The following OLAH variants were observed in gnomAD, a reference collection of about 807,000 sequenced individuals.
OLAH encodes S-acyl fatty acid synthase thioesterase, medium chain.
In OLAH, 33 loss-of-function variants were observed where a neutral mutation model predicts 27.8. That is an observed-to-expected ratio of 1.19 (90% CI 0.90 to 1.59). OLAH has a LOEUF of 1.59. OLAH is among the 40% of genes most tolerant of loss of function. OLAH has a pLI of 0.00. For synonymous variants in OLAH, 120 were observed against 102.9 expected, an observed-to-expected ratio of 1.17 and a Z score of -1.01; for missense variants, 359 against 310.8, an observed-to-expected ratio of 1.16 and a Z score of -1.17.
At chr10:15,055,578 G>C (rs191078649) in intron 3 of OLAH, among the ~76,000 whole-genome samples, 43 of 152,192 alleles carry the variant, frequency 2.8e-4, no homozygotes, top group African/African-American at 9.4e-4. Flanking sequence ...AATTCCTAAA[G>C]GTCTTTTTAG....
At chr10:15,068,005 T>TC (rs1285557021) in intron 6 of OLAH, 1 of 152,236 alleles carries the variant, frequency 6.6e-6, no homozygotes, top group Non-Finnish European at 1.5e-5. Context: ...TCATCCCAAA[T>TC]CTCTTGCAAG....
At chr10:15,064,009 T>C (rs1182196692) in intron 4 of OLAH, among the ~76,000 whole-genome samples, 2 of 152,218 alleles carry the variant, frequency 1.3e-5, no homozygotes, top group African/African-American at 4.8e-5. Context: ...AACATTTTAG[T>C]ATTTATCCTG....
At chr10:15,056,145 G>T (rs552462388) in intron 3 of OLAH, among the ~76,000 whole-genome samples, 1 of 152,050 alleles carries the variant, frequency 6.6e-6, no homozygotes, top group Non-Finnish European at 1.5e-5. Flanking sequence ...TCTGAAACTT[G>T]CTTTTCCCAC....
Position 15,035,892 on chromosome 10 carries a change from C to T in OLAH, c.-164+3542C>T, listed in dbSNP as rs1375761477. Among the ~76,000 whole-genome samples the T allele has an allele frequency of 2.0e-5, 3 of 152,188 alleles. No homozygotes were observed. The East Asian group carries it at 5.8e-4, about 29-fold the overall frequency. ...CCTGACACTCTCCACTGTCTCCTTT[C>T]ATTGCTCATGTTCTCATTGAATCTC... On this transcript the variant is annotated intron_variant, in intron 1 of 3. Transcript: ENST00000413672.
chr10:15,071,546 G>A, intron 6 of OLAH: 1 of 985,430 alleles, frequency 1.0e-6, no homozygotes, highest in Non-Finnish European at 1.2e-6. Context: ...GAGTTGAACT[G>A]TGTGCCCCAG....
chr10:15,042,849 CTTTTTTT>C (rs67828197), upstream of OLAH, among the ~76,000 whole-genome samples: 20 of 60,604 alleles, frequency 3.3e-4, no homozygotes, highest in Non-Finnish European at 5.9e-4. Context: ...ACCCACGTGT[CTTTTTTT>C]TTTTTTTTTT....
At chr10:15,063,822 T>A (rs1844414386) in intron 4 of OLAH, among the ~76,000 whole-genome samples, 3 of 152,220 alleles carry the variant, frequency 2.0e-5, no homozygotes, top group African/African-American at 7.2e-5. Context: ...CAAAAAAATG[T>A]GAGAAGGTGA....
chr10:15,036,675 T>C lies in OLAH; in HGVS notation c.-164+4325T>C, dbSNP rs78942396. ...TAATTTTTAAAAATTTTTGTAGGGA[T>C]TGGGGGGCCTTGCTATGTTGCCCAG... On this transcript the variant is annotated intron_variant, in intron 1 of 3. Transcript: ENST00000413672. Among the ~76,000 whole-genome samples the C allele has an allele frequency of 2.3e-3, 356 of 152,038 alleles. 10 individuals carry two copies. In the East Asian group the frequency reaches 0.062, roughly 27 times the overall value.
At chr10:15,057,619 C>T (rs1844272346) in intron 3 of OLAH, among the ~76,000 whole-genome samples, 1 of 152,022 alleles carries the variant, frequency 6.6e-6, no homozygotes, top group Non-Finnish European at 1.5e-5. Context: ...CTCCTGACTT[C>T]AGGTGATCCA....
At chr10:15,036,179 C>T (rs985225917) in intron 1 of OLAH, among the ~76,000 whole-genome samples, 35 of 152,114 alleles carry the variant, frequency 2.3e-4, no homozygotes, top group Non-Finnish European at 8.8e-5. Context: ...AGGTCAAATC[C>T]TCTAAGAATT....
intron 1 of OLAH, among the ~76,000 whole-genome samples, chr10:15,036,813 GCTCACACCTGTA>G (rs1338626944): frequency 1.3e-5 from 2 of 152,058 alleles, no homozygotes; most frequent in East Asian, 3.9e-4. Context: ...AGACGCAGTG[GCTCACACCTGTA>G]ATCACAATAT....
chr10:15,036,596 C>T (rs545770760), intron 1 of OLAH, among the ~76,000 whole-genome samples: 1 of 152,232 alleles, frequency 6.6e-6, no homozygotes, highest in Admixed American at 6.5e-5. Flanking sequence ...TCAAGACATC[C>T]TCCCCTCCTT....
intron 3 of OLAH, among the ~76,000 whole-genome samples, chr10:15,051,863 C>T (rs1844150380): frequency 6.6e-6 from 1 of 152,162 alleles, no homozygotes. Context: ...TAAATATTTG[C>T]ACATTTGTGG....
intron 6 of OLAH, among the ~76,000 whole-genome samples, chr10:15,069,371 C>T (rs1383038192): frequency 6.6e-6 from 1 of 152,180 alleles, no homozygotes; most frequent in East Asian, 1.9e-4. Context: ...AGGGCTTCAC[C>T]TGCACCCTGG....
intron 5 of OLAH, 96 bp downstream of exon 5, chr10:15,064,598 C>T: frequency 1.5e-6 from 1 of 684,370 alleles, no homozygotes; most frequent in Non-Finnish European, 2.4e-6. Context: ...AATTCTGGTC[C>T]AGTATGATGA....
intron 1 of OLAH, among the ~76,000 whole-genome samples, chr10:15,035,238 G>A (rs768466961): frequency 1.3e-5 from 2 of 152,130 alleles, no homozygotes; most frequent in Admixed American, 1.3e-4. Flanking sequence ...CGGTATAGTC[G>A]GAGTGTGACT....
intron 7 of OLAH, among the ~76,000 whole-genome samples, chr10:15,072,684 G>A (rs1844614294): frequency 6.6e-6 from 1 of 151,742 alleles, no homozygotes; most frequent in Admixed American, 6.6e-5. Flanking sequence ...CTGGGAGGAG[G>A]GGAGGCTTTC....
intron 3 of OLAH, among the ~76,000 whole-genome samples, chr10:15,060,230 T>G (rs1408219841): frequency 1.3e-5 from 2 of 152,102 alleles, no homozygotes; most frequent in African/African-American, 4.8e-5. Flanking sequence ...AGTGCAGTGG[T>G]ATGATCTTGA....
At chr10:15,036,973 G>A (rs755386484) in intron 1 of OLAH, among the ~76,000 whole-genome samples, 13 of 151,818 alleles carry the variant, frequency 8.6e-5, no homozygotes, top group Admixed American at 5.3e-4. Flanking sequence ...CAGATACTCC[G>A]GAGGCTGAGG....
Sources: gnomAD v4.1 joint callset for allele counts (sites outside exome capture counted in the v4.1 genomes callset) on GRCh38, gnomAD v4.1.1 for gene constraint, MANE v1.5 for transcripts, NCBI Gene and HGNC (gene_info 2026-07-23, HGNC 2026-07-21) for gene names.